The following PITPNM3 variants were observed in gnomAD, a reference collection of about 807,000 sequenced individuals.
PITPNM3 encodes the protein PITPNM family member 3.
A neutral mutation model predicts 102.0 loss-of-function variants in PITPNM3; 26 were observed. The ratio of observed to expected loss-of-function variants is 0.25; its 90% confidence interval spans 0.19 to 0.35. The LOEUF (loss-of-function observed/expected upper bound fraction) is 0.35, where lower values mean the gene tolerates loss of function less well. Among genes scored for constraint, PITPNM3 ranks in the 10% least tolerant of loss-of-function variants. The probability of loss-of-function intolerance (pLI) is 1.00; values close to 1 mark genes in which losing one functional copy is unlikely to be tolerated. For synonymous variants in PITPNM3, 578 were observed against 558.6 expected (o/e 1.03, Z -0.49); for missense variants, 1,083 against 1,346.1 (o/e 0.80, Z 3.06).
rs1908771666 is a variant in PITPNM3, at chr17:6,525,386, C to T, written c.196G>A (p.Glu66Lys). The T allele has an allele frequency of 5.0e-6, 8 of 1,614,078 alleles. No individual in the cohort carries two copies. The highest frequency in any genetic ancestry group is 1.7e-5 in the Admixed American group (1 of 60,006). ...WNSNDLVEQIETMGKLDEHQG... is the reference protein window; with the variant it reads ...WNSNDLVEQIKTMGKLDEHQG... ...TGCTCGTCCAGTTTCCCCATGGTCT[C>T]GATCTGCTCCACGAGGTCATTGGAG... The change falls in exon 3 of 20, where the codon GAG becomes AAG. Residue 66 changes from glutamate to lysine, a missense_variant. Transcript: ENST00000262483.
rs1390479299 is a variant in PITPNM3 at position 6,451,818 on chromosome 17, T to C, written c.*3520A>G. ...GCCCGGAAGGAAAGGAAGGAGGGAA[T>C]GTTTCTTTTGGCTGAGCCAAAAGAC... is the stretch of plus-strand genomic sequence containing the variant. On this transcript the variant is annotated 3_prime_UTR_variant, in exon 20 of 20. Coordinates refer to ENST00000262483, the MANE Select transcript of PITPNM3 (RefSeq NM_031220.4). 6.6e-6 allele frequency: 1 copy of C among 151,102 alleles called. No individual in the cohort carries two copies. The highest frequency in any genetic ancestry group is 1.5e-5 in the Non-Finnish European group (1 of 67,898). 9.4% of individuals were successfully genotyped at this position (151,102 alleles called of 1,614,324 possible).
intron 2 of PITPNM3, among the ~76,000 whole-genome samples, chr17:6,533,003 C>T (rs968515692): frequency 1.3e-5 from 2 of 152,148 alleles, no homozygotes; most frequent in African/African-American, 2.4e-5. Flanking sequence ...CCTCTTGTTG[C>T]GCAGGCTGGA....
rs2150730832 is a variant in PITPNM3, at chr17:6,477,032, G to A, written c.1082C>T (p.Ser361Leu). 6.2e-7 allele frequency: 1 copy of A among 1,614,074 alleles called. No individual in the cohort carries two copies. The highest frequency in any genetic ancestry group is 8.5e-7 in the Non-Finnish European group (1 of 1,180,020). Residue 361 changes from serine to leucine, a missense_variant, in exon 9 of 20, where the codon TCA becomes TTA. This residue lies in a region of PITPNM3 where 172 missense variants were observed against 175.6 expected (regional missense o/e 0.98). Coordinates refer to ENST00000262483, the MANE Select transcript of PITPNM3 (RefSeq NM_031220.4). Reference sequence around the variant, plus strand: ...CTTCTGGACAGGGAGGGGCTACCTTGAGAGGAAGGCATGGTGCTGGGTGAT... The same window carrying A: ...CTTCTGGACAGGGAGGGGCTACCTTAAGAGGAAGGCATGGTGCTGGGTGAT... Reference protein sequence around the residue: ...EAITQHHAFLSSIHSSVLKDE... With the variant: ...EAITQHHAFLLSIHSSVLKDE...
intron 11 of PITPNM3, 113 bp from the exon 12 acceptor site, chr17:6,471,468 G>C: frequency 9.3e-7 from 1 of 1,072,846 alleles, no homozygotes; most frequent in Non-Finnish European, 1.3e-6. Context: ...GTCAGCCCCG[G>C]CTCTGCTCAC....
chr17:6,524,755 A>G lies in PITPNM3; in HGVS notation c.226+601T>C, dbSNP rs1217618455. ...TTGCTCCTGCCAAGCACTTATACAC[A>G]GTAGGTGCTCAATGAGCCTGTTAGT... On this transcript the variant is annotated intron_variant, in intron 3 of 19. Coordinates refer to ENST00000262483, the MANE Select transcript of PITPNM3 (RefSeq NM_031220.4). 2.0e-5 allele frequency among the ~76,000 whole-genome samples: 3 copies of G among 152,192 alleles called. No individual in the cohort carries two copies. The East Asian group carries it at 5.8e-4, about 29-fold the overall frequency.
At chr17:6,528,737 T>C (rs1908980172) in intron 2 of PITPNM3, among the ~76,000 whole-genome samples, 1 of 152,036 alleles carries the variant, frequency 6.6e-6, no homozygotes, top group African/African-American at 2.4e-5. Context: ...ATGCTTTCTC[T>C]CCCACACTCA....
At chr17:6,548,121 G>A (rs1158195309) in intron 1 of PITPNM3, among the ~76,000 whole-genome samples, 1 of 152,142 alleles carries the variant, frequency 6.6e-6, no homozygotes, top group Non-Finnish European at 1.5e-5. Context: ...AACAGTAGGA[G>A]GGTAGCAGCT....
rs976417199 is a variant in PITPNM3, at chr17:6,517,798, G to A, written c.226+7558C>T. ...TGGTCCCAAATTCCTGGGCTCAAGC[G>A]ATCCTCCCACCTCGGCCTCCCAAAG... On this transcript the variant is annotated intron_variant, in intron 3 of 19. Transcript: ENST00000262483. This position sits in a 1 kb window ranked among gnomAD's most constrained non-coding sequence, Gnocchi z 4.1. 6.6e-6 allele frequency among the ~76,000 whole-genome samples: 1 copy of A among 152,040 alleles called. No individual in the cohort carries two copies. Among genetic ancestry groups the A allele is most frequent in the Non-Finnish European group, 1.5e-5 (1 of 68,012 alleles).
chr17:6,455,911 G>A (rs1051010702), intron 19 of PITPNM3, among the ~76,000 whole-genome samples: 8 of 151,728 alleles, frequency 5.3e-5, no homozygotes, highest in Non-Finnish European at 1.0e-4. Flanking sequence ...GGGAAGTCGG[G>A]AGCTCTTTAC....
chr17:6,477,879 C>T, intron 8 of PITPNM3, 96 bp downstream of exon 8: 4 of 1,581,178 alleles, frequency 2.5e-6, no homozygotes, highest in South Asian at 1.1e-5. Context: ...ACCTGGATGT[C>T]ATGGTGCCAA....
chr17:6,529,648 T>G (rs1909033461), intron 2 of PITPNM3, among the ~76,000 whole-genome samples: 1 of 151,830 alleles, frequency 6.6e-6, no homozygotes, highest in African/African-American at 2.4e-5. Context: ...CTCCAGCTCA[T>G]GGAGCCGAGG....
intron 3 of PITPNM3, among the ~76,000 whole-genome samples, chr17:6,508,124 G>A (rs1458544870): frequency 6.6e-6 from 1 of 152,190 alleles, no homozygotes; most frequent in African/African-American, 2.4e-5. Context: ...CGGGGACCCA[G>A]GTGCCAAGAG....
intron 3 of PITPNM3, among the ~76,000 whole-genome samples, chr17:6,511,291 C>T (rs534728396): frequency 2.0e-4 from 31 of 152,170 alleles, no homozygotes; most frequent in Non-Finnish European, 4.1e-4. Flanking sequence ...TTAGAAGTGT[C>T]GTGGTAGGAT....
Position 6,477,201 on chromosome 17 carries a change from C to T in PITPNM3, c.913G>A (p.Ala305Thr), listed in dbSNP as rs549384558. 1.4e-5 allele frequency: 22 copies of T among 1,613,982 alleles called. No individual in the cohort carries two copies. Among genetic ancestry groups the T allele is most frequent in the African/African-American group, 6.7e-5 (5 of 74,916 alleles). ...GCCAGGCTGCAATCTTCCTCCACCG[C>T]GACTGGGGTGTCCTTTGGGACCGAA... ...SISSTQDTPVAVEEDCSLASS... is the reference protein window; with the variant it reads ...SISSTQDTPVTVEEDCSLASS... The change falls in exon 9 of 20, where the codon GCG (alanine) becomes ACG (threonine). Residue 305 changes from alanine (A) to threonine (T), a missense_variant. Coordinates refer to ENST00000262483, the MANE Select transcript of PITPNM3 (RefSeq NM_031220.4).
chr17:6,482,892 G>A (rs1424554916), intron 6 of PITPNM3, among the ~76,000 whole-genome samples: 2 of 151,814 alleles, frequency 1.3e-5, no homozygotes, highest in Admixed American at 6.5e-5. Context: ...TTTGACTCCT[G>A]TCTCCATGGG....
intron 14 of PITPNM3, among the ~76,000 whole-genome samples, chr17:6,465,337 T>C (rs1408679419): frequency 3.3e-5 from 5 of 152,226 alleles, no homozygotes; most frequent in Non-Finnish European, 7.3e-5. Flanking sequence ...TGAGCCACCG[T>C]GCCTGGCCCG....
intron 4 of PITPNM3, among the ~76,000 whole-genome samples, chr17:6,492,586 A>G (rs550735799): frequency 6.6e-6 from 1 of 152,242 alleles, no homozygotes; most frequent in South Asian, 2.1e-4. Context: ...GCTAGGCGCC[A>G]TGGCTCACAC....
intron 15 of PITPNM3, 117 bp from the exon 16 acceptor site, chr17:6,464,435 G>A: frequency 1.7e-6 from 2 of 1,206,640 alleles, no homozygotes; most frequent in Non-Finnish European, 1.2e-6. Flanking sequence ...CCTGGCTCCT[G>A]CCAGCCTGGC....
intron 1 of PITPNM3, among the ~76,000 whole-genome samples, chr17:6,539,406 T>C (rs1161213978): frequency 1.3e-5 from 2 of 152,074 alleles, no homozygotes; most frequent in African/African-American, 4.8e-5. Flanking sequence ...AGAAATAAAA[T>C]TGTCTTCATT....
Sources: gnomAD v4.1 joint callset for allele counts (sites outside exome capture counted in the v4.1 genomes callset) on GRCh38, gnomAD v4.1.1 for gene constraint, gnomAD v4.1.1 regional missense constraint, Gnocchi (gnomAD v3.1) non-coding constraint, MANE v1.5 for transcripts, NCBI Gene and HGNC (gene_info 2026-07-23, HGNC 2026-07-21) for gene names.